The following CACNA2D1 variants were observed in gnomAD, a reference collection of about 807,000 sequenced individuals.
The protein encoded by CACNA2D1 is voltage-dependent calcium channel subunit alpha-2/delta-1.
In CACNA2D1, 53 loss-of-function variants were observed where a neutral mutation model predicts 171.5. The observed-to-expected ratio is 0.31, with a 90% confidence interval of 0.25 to 0.39. The LOEUF is 0.39. Ranked by LOEUF, CACNA2D1 falls within the 10% of genes least tolerant of loss-of-function variation. The pLI is 1.00. For missense variants in CACNA2D1, 903 were observed against 1,299.8 expected (o/e 0.69, Z 4.69); for synonymous variants, 442 against 443.1 (o/e 1.00, Z 0.03).
intron 6 of CACNA2D1, among the ~76,000 whole-genome samples, chr7:82,100,799 G>T: frequency 6.6e-6 from 1 of 150,632 alleles, no homozygotes; most frequent in African/African-American, 2.4e-5. Flanking sequence ...TTTTATTTTA[G>T]ACCAAGATTG....
intron 3 of CACNA2D1, among the ~76,000 whole-genome samples, chr7:82,248,268 T>C (rs1051848466): frequency 4.6e-5 from 7 of 152,232 alleles, no homozygotes; most frequent in Non-Finnish European, 5.9e-5. Context: ...AAGATTTCCA[T>C]AGATCCATTC....
rs1429552724 is a variant in CACNA2D1 at position 81,994,853 on chromosome 7, A to G, written c.1734+15T>C. ...TATAATTTTTATTTAAGAATAAGCT[A>G]GAATCAATTCTTACCTCATCTTGAG... On this transcript the variant is annotated intron_variant, in intron 20 of 38. Coordinates refer to ENST00000356860, the MANE Select transcript of CACNA2D1 (RefSeq NM_000722.4). The G allele has an allele frequency of 8.0e-7, 1 of 1,256,762 alleles. No homozygotes were observed. Among genetic ancestry groups the G allele is most frequent in the Admixed American group, 1.7e-5 (1 of 59,466 alleles). 77.9% of individuals were successfully genotyped at this position (1,256,762 alleles called of 1,614,324 possible).
intron 3 of CACNA2D1, among the ~76,000 whole-genome samples, chr7:82,178,808 C>T (rs1043832254): frequency 6.6e-6 from 1 of 152,060 alleles, no homozygotes; most frequent in Non-Finnish European, 1.5e-5. Context: ...TCAATTCGCC[C>T]TCCCTCTAAA....
At chr7:82,232,352 A>G (rs2129278917) in intron 3 of CACNA2D1, among the ~76,000 whole-genome samples, 1 of 128,340 alleles carries the variant, frequency 7.8e-6, no homozygotes, top group East Asian at 2.2e-4. Flanking sequence ...AAAGTAACAA[A>G]TGTTCGCCTT....
At chr7:82,290,601 A>G (rs1811397693) in intron 3 of CACNA2D1, among the ~76,000 whole-genome samples, 2 of 150,044 alleles carry the variant, frequency 1.3e-5, no homozygotes, top group Admixed American at 6.6e-5. Context: ...AAAAGCCATG[A>G]ATTTTTTTTT....
chr7:82,337,473 AAT>A (rs1473031310), intron 2 of CACNA2D1, among the ~76,000 whole-genome samples: 4 of 152,300 alleles, frequency 2.6e-5, no homozygotes, highest in East Asian at 1.9e-4. Context: ...ATATTTTCAT[AAT>A]ATGTGTATAT....
chr7:82,166,859 TTGAA>T (rs1364561811), intron 4 of CACNA2D1, among the ~76,000 whole-genome samples: 2 of 152,060 alleles, frequency 1.3e-5, no homozygotes, highest in African/African-American at 2.4e-5. Context: ...CAGTTGGGAA[TTGAA>T]TGGAGCTGAG....
chr7:82,392,187 G>T (rs539374983), intron 1 of CACNA2D1, among the ~76,000 whole-genome samples: 2 of 152,168 alleles, frequency 1.3e-5, no homozygotes, highest in African/African-American at 4.8e-5. Context: ...GGTTTTTCAT[G>T]CTGTCCTGCC....
At chr7:82,166,752 G>A (rs1329418234) in intron 4 of CACNA2D1, among the ~76,000 whole-genome samples, 1 of 151,940 alleles carries the variant, frequency 6.6e-6, no homozygotes, top group Non-Finnish European at 1.5e-5. Context: ...GGTAGACATA[G>A]CTTATTTACA....
chr7:82,002,937 A>G (rs917835096), intron 18 of CACNA2D1, among the ~76,000 whole-genome samples: 9 of 152,092 alleles, frequency 5.9e-5, no homozygotes, highest in African/African-American at 2.2e-4. Context: ...TTAAATAATA[A>G]TGGCTGCTAT....
At chr7:82,364,905 C>G (rs117440493) in intron 1 of CACNA2D1, among the ~76,000 whole-genome samples, 1 of 152,218 alleles carries the variant, frequency 6.6e-6, no homozygotes, top group Non-Finnish European at 1.5e-5. Context: ...AATGTCTTTC[C>G]TCTTCAGTAG....
chr7:82,023,430 C>T (rs945907640), intron 12 of CACNA2D1, among the ~76,000 whole-genome samples: 2 of 151,876 alleles, frequency 1.3e-5, no homozygotes, highest in South Asian at 4.1e-4. Flanking sequence ...CTCCTGCAGC[C>T]TCATTCATCA....
chr7:82,354,204 C>A (rs1208583822), intron 1 of CACNA2D1, among the ~76,000 whole-genome samples: 1 of 152,130 alleles, frequency 6.6e-6, no homozygotes, highest in Non-Finnish European at 1.5e-5. Context: ...GTCTTTGGGT[C>A]ATTTTCTGAA....
chr7:82,196,839 A>ATGTGCCT (rs1798904436), intron 3 of CACNA2D1, among the ~76,000 whole-genome samples: 1 of 151,900 alleles, frequency 6.6e-6, no homozygotes, highest in African/African-American at 2.4e-5. Flanking sequence ...ATATATGTGA[A>ATGTGCCT]TAGAGGATGG....
At chr7:82,172,774 T>G (rs1796169842) in intron 3 of CACNA2D1, among the ~76,000 whole-genome samples, 1 of 148,142 alleles carries the variant, frequency 6.8e-6, no homozygotes, top group African/African-American at 2.5e-5. Flanking sequence ...AATGTAAATC[T>G]TCCCCCATTT....
At chr7:82,416,734 T>A (rs1038222210) in intron 1 of CACNA2D1, among the ~76,000 whole-genome samples, 1 of 152,180 alleles carries the variant, frequency 6.6e-6, no homozygotes, top group Non-Finnish European at 1.5e-5. Flanking sequence ...TAGTTACATC[T>A]GCAAAGACCC....
chr7:82,047,482 G>A (rs1804685191), intron 10 of CACNA2D1, among the ~76,000 whole-genome samples: 1 of 152,158 alleles, frequency 6.6e-6, no homozygotes, highest in African/African-American at 2.4e-5. Context: ...TAACTAATGT[G>A]TTTGTAGAGC....
intron 1 of CACNA2D1, among the ~76,000 whole-genome samples, chr7:82,374,355 T>A (rs1382105805): frequency 6.6e-6 from 1 of 152,196 alleles, no homozygotes; most frequent in Admixed American, 6.5e-5. Flanking sequence ...GAATCACCCA[T>A]TCTCCTATCA....
intron 4 of CACNA2D1, among the ~76,000 whole-genome samples, chr7:82,146,501 T>G (rs952251762): frequency 1.4e-5 from 2 of 143,196 alleles, no homozygotes; most frequent in African/African-American, 2.5e-5. Flanking sequence ...TATTTATATA[T>G]ATATAAAGAT....
Sources: gnomAD v4.1 joint callset for allele counts (sites outside exome capture counted in the v4.1 genomes callset) on GRCh38, gnomAD v4.1.1 for gene constraint, MANE v1.5 for transcripts, NCBI Gene and HGNC (gene_info 2026-07-23, HGNC 2026-07-21) for gene names.